The following SEMA3E variants were observed in gnomAD, a reference collection of about 807,000 sequenced individuals.
The protein encoded by SEMA3E is semaphorin-3E.
SEMA3E carries 49 observed loss-of-function variants against 93.6 expected under a neutral mutation model. The observed-to-expected ratio is 0.52, with a 90% CI of 0.42 to 0.66. The LOEUF (loss-of-function observed/expected upper bound fraction) is 0.66, where lower values mean the gene tolerates loss of function less well. Among genes scored for constraint, SEMA3E ranks in the 30% least tolerant of loss-of-function variants. The pLI is 0.00. For synonymous variants in SEMA3E, 363 were observed against 330.7 expected, an observed-to-expected ratio of 1.10 and a Z score of -1.06; for missense variants, 906 against 964.8, an observed-to-expected ratio of 0.94 and a Z score of 0.81.
chr7:83,509,837 G>C (rs1458537528), intron 1 of SEMA3E, among the ~76,000 whole-genome samples: 8 of 152,152 alleles, frequency 5.3e-5, no homozygotes, highest in Non-Finnish European at 2.9e-5. Context: ...CTAATGCTCA[G>C]CTATTAGATA....
intron 4 of SEMA3E, among the ~76,000 whole-genome samples, chr7:83,457,179 G>A (rs1207431695): frequency 6.6e-6 from 1 of 152,020 alleles, no homozygotes; most frequent in African/African-American, 2.4e-5. Context: ...GTTATTTTGG[G>A]AAAGTGAGAG....
chr7:83,367,351 A>T lies in SEMA3E; in HGVS notation c.*235T>A. 2.2e-6 allele frequency: 1 copy of T among 465,048 alleles called. No homozygotes were observed. The highest frequency in any genetic ancestry group is 3.8e-6 in the Non-Finnish European group (1 of 261,950). The allele number at this position is 465,048 out of a possible 1,614,324, so 28.8% of individuals were successfully genotyped here. On this transcript the variant is annotated 3_prime_UTR_variant, in exon 17 of 17. Coordinates refer to ENST00000643230, the MANE Select transcript of SEMA3E (RefSeq NM_012431.3). Reference sequence around the variant, plus strand: ...AAATAACAGCTACAGTTGTTTTTTGATAAACATAATGAGAAACCATTAAGC... The same window carrying T: ...AAATAACAGCTACAGTTGTTTTTTGTTAAACATAATGAGAAACCATTAAGC...
chr7:83,555,108 T>G (rs1791860237), intron 1 of SEMA3E, among the ~76,000 whole-genome samples: 1 of 152,170 alleles, frequency 6.6e-6, no homozygotes, highest in Non-Finnish European at 1.5e-5. Flanking sequence ...GGTGCAGTCT[T>G]GAATTTCATT....
chr7:83,567,793 A>G (rs147968246), intron 1 of SEMA3E, among the ~76,000 whole-genome samples: 17 of 152,152 alleles, frequency 1.1e-4, no homozygotes, highest in African/African-American at 1.9e-4. Flanking sequence ...AAAAGTCTAC[A>G]TCAAAAAAGT....
At chr7:83,399,737 C>G (rs1347692042) in intron 11 of SEMA3E, among the ~76,000 whole-genome samples, 1 of 152,122 alleles carries the variant, frequency 6.6e-6, no homozygotes, top group Non-Finnish European at 1.5e-5. Context: ...CCCAAATCCT[C>G]TCTTTGTCAG....
At position 83,450,631 on chromosome 7, in the gene SEMA3E, C is replaced by T. The variant is rs116008251; in HGVS notation, c.456+15851G>A. Among the ~76,000 whole-genome samples, 831 of 151,684 alleles carry T rather than the reference C, an allele frequency of 5.5e-3. 5 individuals carry two copies. The highest frequency in any genetic ancestry group is 0.019 in the African/African-American group (783 of 41,354). On this transcript the variant is annotated intron_variant, in intron 4 of 16. Coordinates refer to ENST00000643230, the MANE Select transcript of SEMA3E (RefSeq NM_012431.3). ...TGAAGGGGGACAACAGATTCTGGGG[C>T]ACTGGTGTTCTATTTATTGATCTAG...
chr7:83,626,521 T>G (rs1475143249), intron 1 of SEMA3E, among the ~76,000 whole-genome samples: 1 of 152,188 alleles, frequency 6.6e-6, no homozygotes, highest in Non-Finnish European at 1.5e-5. Flanking sequence ...TTTCTGATGA[T>G]AGTTTGTATT....
intron 15 of SEMA3E, among the ~76,000 whole-genome samples, chr7:83,385,991 C>T (rs1787871911): frequency 6.6e-6 from 1 of 152,102 alleles, no homozygotes; most frequent in Non-Finnish European, 1.5e-5. Context: ...TCTTACTGGA[C>T]TTGAACTCAA....
intron 1 of SEMA3E, among the ~76,000 whole-genome samples, chr7:83,594,275 G>T (rs1343731015): frequency 6.6e-6 from 1 of 152,120 alleles, no homozygotes; most frequent in African/African-American, 2.4e-5. Context: ...TGTGCAGCCG[G>T]CAGGAAGTTT....
intron 13 of SEMA3E, among the ~76,000 whole-genome samples, chr7:83,393,465 T>A (rs1788060088): frequency 6.6e-6 from 1 of 152,042 alleles, no homozygotes; most frequent in Non-Finnish European, 1.5e-5. Context: ...GGAGGTTGAG[T>A]CTGCAGTGAG....
intron 1 of SEMA3E, among the ~76,000 whole-genome samples, chr7:83,589,326 A>G (rs1792704772): frequency 6.6e-6 from 1 of 152,108 alleles, no homozygotes; most frequent in African/African-American, 2.4e-5. Flanking sequence ...ATTATTATTT[A>G]TCCAGATATC....
At chr7:83,609,508 A>G (rs1793203076) in intron 1 of SEMA3E, among the ~76,000 whole-genome samples, 1 of 152,012 alleles carries the variant, frequency 6.6e-6, no homozygotes, top group African/African-American at 2.4e-5. Flanking sequence ...CCAAATATAA[A>G]TAAATATTTT....
chr7:83,631,751 A>T (rs991913471), intron 1 of SEMA3E, among the ~76,000 whole-genome samples: 1 of 152,228 alleles, frequency 6.6e-6, no homozygotes, highest in South Asian at 2.1e-4. Flanking sequence ...TAAAGGAAAA[A>T]GTTGGTTCAA....
chr7:83,567,878 T>A (rs1792196167), intron 1 of SEMA3E, among the ~76,000 whole-genome samples: 1 of 150,642 alleles, frequency 6.6e-6, no homozygotes, highest in African/African-American at 2.4e-5. Flanking sequence ...AAACCTCAAA[T>A]TAGAAGGAAA....
intron 1 of SEMA3E, among the ~76,000 whole-genome samples, chr7:83,615,843 C>A (rs1793354758): frequency 6.6e-6 from 1 of 152,118 alleles, no homozygotes; most frequent in Non-Finnish European, 1.5e-5. Context: ...CATTGTTAAA[C>A]ACAAGCCAAA....
chr7:83,586,772 A>G (rs931628388), intron 1 of SEMA3E, among the ~76,000 whole-genome samples: 1 of 152,028 alleles, frequency 6.6e-6, no homozygotes, highest in Non-Finnish European at 1.5e-5. Context: ...ATTACCCAGC[A>G]TGCTCCAGCA....
rs1788538727 is a variant in SEMA3E at position 83,416,364 on chromosome 7, A to G, written c.550+2026T>C. 2.0e-5 allele frequency among the ~76,000 whole-genome samples: 3 copies of G among 152,066 alleles called. No homozygotes were observed. In the South Asian group the frequency reaches 6.2e-4, roughly 32 times the overall value. Reference sequence around the variant, plus strand: ...TTGATTTGGAGGTTCAATGAAACTCACTTAGAAATGTCCCTCCAGTAATAT... The same window carrying G: ...TTGATTTGGAGGTTCAATGAAACTCGCTTAGAAATGTCCCTCCAGTAATAT... On this transcript the variant is annotated intron_variant, in intron 5 of 16. Coordinates refer to ENST00000643230, the MANE Select transcript of SEMA3E (RefSeq NM_012431.3).
chr7:83,465,112 C>T (rs1789723017), intron 4 of SEMA3E, among the ~76,000 whole-genome samples: 3 of 152,066 alleles, frequency 2.0e-5, no homozygotes, highest in Admixed American at 6.6e-5. Context: ...TAAGTGATGA[C>T]ATTACCTTGT....
intron 1 of SEMA3E, among the ~76,000 whole-genome samples, chr7:83,639,127 AAAAAAAAAAAAAAC>A (rs1449062197): frequency 1.4e-4 from 20 of 140,072 alleles, no homozygotes; most frequent in South Asian, 4.4e-4. Flanking sequence ...AAAAAAAAAA[AAAAAAAAAAAAAAC>A]AGAGATTCCT....
Sources: allele counts gnomAD v4.1 joint callset (sites outside exome capture counted in the v4.1 genomes callset), GRCh38; gene constraint gnomAD v4.1.1; transcripts MANE v1.5; gene names NCBI Gene and HGNC (gene_info 2026-07-23, HGNC 2026-07-21).